The following FBXO31 variants were observed in gnomAD, a reference collection of about 807,000 sequenced individuals.
The protein encoded by FBXO31 is F-box only protein 31.
In FBXO31, 24 loss-of-function variants were observed where a neutral mutation model predicts 54.4. The observed-to-expected ratio is 0.44, with a 90% CI of 0.32 to 0.62. FBXO31 has a LOEUF of 0.62. Ranked by LOEUF, FBXO31 falls within the 20% of genes least tolerant of loss-of-function variation. The pLI, the probability that FBXO31 is intolerant of heterozygous loss-of-function variation, is 0.05. For synonymous variants in FBXO31, 388 were observed against 335.6 expected, an observed-to-expected ratio of 1.16 and a Z score of -1.71; for missense variants, 665 against 787.1, an observed-to-expected ratio of 0.84 and a Z score of 1.86.
chr16:87,391,977 C>T (rs1328267356), upstream of FBXO31: 1 of 160,758 alleles, frequency 6.2e-6, no homozygotes, highest in Non-Finnish European at 1.4e-5. Context: ...GGACACCCCG[C>T]CTGTGGCTCA....
At chr16:87,355,825 T>C (rs187862419) in intron 2 of FBXO31, among the ~76,000 whole-genome samples, 64 of 152,276 alleles carry the variant, frequency 4.2e-4, no homozygotes, top group Non-Finnish European at 7.5e-4. Context: ...ACAAAAGGAA[T>C]GTCCCCTGCC....
chr16:87,353,722 G>T (rs1905768129), intron 2 of FBXO31, among the ~76,000 whole-genome samples: 1 of 151,998 alleles, frequency 6.6e-6, no homozygotes, highest in African/African-American at 2.4e-5. Context: ...CGGGAGCAGG[G>T]CCCCAGACAC....
At chr16:87,381,294 G>A (rs1246560732) in intron 1 of FBXO31, among the ~76,000 whole-genome samples, 2 of 151,884 alleles carry the variant, frequency 1.3e-5, no homozygotes, top group African/African-American at 4.8e-5. Context: ...AGAGAAAAAA[G>A]ACCAAAAAAA....
intron 2 of FBXO31, among the ~76,000 whole-genome samples, chr16:87,357,223 C>G (rs530333830): frequency 6.7e-6 from 1 of 149,916 alleles, no homozygotes; most frequent in South Asian, 2.1e-4. Context: ...CCAACCTGGG[C>G]AACAAGACAG....
intron 1 of FBXO31, among the ~76,000 whole-genome samples, chr16:87,365,541 G>A (rs971244939): frequency 1.1e-4 from 16 of 152,182 alleles, no homozygotes; most frequent in East Asian, 7.7e-4. Flanking sequence ...TCGGCAGGGA[G>A]TCCCAGGCAT....
At chr16:87,377,857 A>G (rs1906891520) in intron 1 of FBXO31, among the ~76,000 whole-genome samples, 2 of 151,856 alleles carry the variant, frequency 1.3e-5, no homozygotes, top group South Asian at 4.1e-4. Context: ...ACATGTATAT[A>G]TAAAAAAACA....
Position 87,331,471 on chromosome 16 carries a change from G to A in FBXO31, c.1437C>T (p.Thr479=), listed in dbSNP as rs746832206. 8.1e-6 allele frequency: 13 copies of A among 1,612,074 alleles called. No individual in the cohort carries two copies. In the Middle Eastern group the frequency reaches 5.0e-4, roughly 61 times the overall value. ...GTGLIAGHGF[T]SPERTPGVFI... The stretch of plus-strand genomic sequence containing the variant: ...AGACCCCGGGGGTGCGTTCAGGGCT[G>A]GTGAAGCCGTGGCCCGCGATGAGGC... The change falls in exon 9 of 9, where the codon ACC becomes ACT. Residue 479 remains threonine, a synonymous_variant. Coordinates refer to ENST00000311635, the MANE Select transcript of FBXO31 (RefSeq NM_024735.5).
intron 1 of FBXO31, among the ~76,000 whole-genome samples, chr16:87,371,644 G>C (rs1387569651): frequency 7.9e-5 from 12 of 152,264 alleles, no homozygotes; most frequent in Admixed American, 7.9e-4. Flanking sequence ...TTTTTGAGAG[G>C]ACACTCGTTC....
In FBXO31 at chr16:87,383,580, G is replaced by C. The variant is rs1460125452; in HGVS notation, c.165C>G (p.Cys55Trp). The change falls in exon 1 of 9, where the codon TGC (cysteine) becomes TGG (tryptophan). Residue 55 changes from cysteine to tryptophan, a missense_variant. Physicochemically the swap from Cys to Trp is radical, Grantham distance 215. Coordinates refer to ENST00000311635, the MANE Select transcript of FBXO31 (RefSeq NM_024735.5). This position sits in a 1 kb window ranked among gnomAD's most constrained non-coding sequence, Gnocchi z 4.9. ...GCGGGGGCGGCGGCGAGGGGCCCGC[G>C]CACAAGCCGCCCCCGACCCCGGCGC... ...EASAGVGGGL[C>W]AGPSPPPPRC... The C allele has an allele frequency of 2.7e-6, 4 of 1,495,272 alleles. No homozygotes were observed. Among genetic ancestry groups the C allele is most frequent in the Non-Finnish European group, 3.5e-6 (4 of 1,127,664 alleles). 92.6% of individuals were successfully genotyped at this position (1,495,272 alleles called of 1,614,324 possible).
rs1597358645 is a variant in FBXO31 at position 87,336,354 on chromosome 16, C to A, written c.733-90G>T. ...TGCCGCTGAGAGGACACAGTGTGTC[C>A]TTCTTTGTCAGTGCACAGGCACCTG... is the stretch of plus-strand genomic sequence containing the variant. On this transcript the variant is annotated intron_variant, in intron 5 of 8. Transcript: ENST00000311635. The surrounding 1 kb of genome is among the most constrained non-coding windows in gnomAD (Gnocchi z 6.5). 2.5e-6 allele frequency: 3 copies of A among 1,192,008 alleles called. No individual in the cohort carries two copies. The East Asian group carries it at 7.1e-5, about 28-fold the overall frequency. 73.8% of individuals were successfully genotyped at this position (1,192,008 alleles called of 1,614,324 possible).
rs74038730 is a variant in FBXO31, at chr16:87,346,841, G to T, written c.489+333C>A. Among the ~76,000 whole-genome samples the T allele has an allele frequency of 6.6e-6, 1 of 152,172 alleles. No individual in the cohort carries two copies. Among genetic ancestry groups the T allele is most frequent in the African/African-American group, 2.4e-5 (1 of 41,452 alleles). On this transcript the variant is annotated intron_variant, in intron 3 of 8. Transcript: ENST00000311635. This position sits in a 1 kb window ranked among gnomAD's most constrained non-coding sequence, Gnocchi z 4.2. ...AACATGGGGGGCAAAGACCAGGAAC[G>T]GAAGGACCTGGCTGAGGGCGGGCTC...
chr16:87,362,668 C>G (rs370863174), intron 1 of FBXO31: 1 of 152,464 alleles, frequency 6.6e-6, no homozygotes, highest in African/African-American at 2.4e-5. Flanking sequence ...TCAAGCGATT[C>G]TCCTGCCTCA....
chr16:87,347,911 C>G (rs1054194957), intron 2 of FBXO31, among the ~76,000 whole-genome samples: 7 of 152,212 alleles, frequency 4.6e-5, no homozygotes, highest in African/African-American at 1.7e-4. Flanking sequence ...GCAATCAGAT[C>G]TTTAAAGCTA....
At chr16:87,355,778 G>A (rs1251487045) in intron 2 of FBXO31, among the ~76,000 whole-genome samples, 1 of 152,150 alleles carries the variant, frequency 6.6e-6, no homozygotes, top group African/African-American at 2.4e-5. Flanking sequence ...TCTCTTCCTC[G>A]TGAGCTACAT....
chr16:87,372,205 C>CA (rs1327639762), intron 1 of FBXO31, among the ~76,000 whole-genome samples: 7 of 152,220 alleles, frequency 4.6e-5, no homozygotes, highest in African/African-American at 1.4e-4. Context: ...GTCTAGGCAA[C>CA]AGAGTAGGGA....
At chr16:87,367,592 T>G (rs1450429120) in intron 1 of FBXO31, 2 of 152,254 alleles carry the variant, frequency 1.3e-5, no homozygotes, top group African/African-American at 2.4e-5. Context: ...AGACTGGAGC[T>G]TCAGTTTGCT....
At position 87,335,146 on chromosome 16, in the gene FBXO31, C is replaced by T. The variant is rs996566130; in HGVS notation, c.996+158G>A. The stretch of plus-strand genomic sequence containing the variant: ...TGGTTCAGTGGGGCTGGCTGGGGCC[C>T]GAGAATCTGCTTTCCCAAGCTCCCG... On this transcript the variant is annotated intron_variant, in intron 7 of 8. Coordinates refer to ENST00000311635, the MANE Select transcript of FBXO31 (RefSeq NM_024735.5). The surrounding 1 kb of genome is among the most constrained non-coding windows in gnomAD (Gnocchi z 5.7). 4.3e-4 allele frequency among the ~76,000 whole-genome samples: 65 copies of T among 152,190 alleles called. No individual in the cohort carries two copies. The highest frequency in any genetic ancestry group is 1.5e-3 in the African/African-American group (61 of 41,448).
At chr16:87,378,797 T>TA (rs1298368888) in intron 1 of FBXO31, among the ~76,000 whole-genome samples, 1 of 151,760 alleles carries the variant, frequency 6.6e-6, no homozygotes, top group Non-Finnish European at 1.5e-5. Flanking sequence ...CCGTCTCTAC[T>TA]AAAAAGACAA....
At chr16:87,377,608 T>C (rs1906879967) in intron 1 of FBXO31, among the ~76,000 whole-genome samples, 1 of 152,062 alleles carries the variant, frequency 6.6e-6, no homozygotes, top group Non-Finnish European at 1.5e-5. Context: ...GGCAGATCAC[T>C]TGAGGCCACG....
Sources: gnomAD v4.1 joint callset for allele counts (sites outside exome capture counted in the v4.1 genomes callset) on GRCh38, gnomAD v4.1.1 for gene constraint, Gnocchi (gnomAD v3.1) non-coding constraint, MANE v1.5 for transcripts, NCBI Gene and HGNC (gene_info 2026-07-23, HGNC 2026-07-21) for gene names.